The following CCDC125 variants were observed in gnomAD, a reference collection of about 807,000 sequenced individuals.
CCDC125 encodes coiled-coil domain-containing protein 125.
Under a neutral mutation model 57.4 loss-of-function variants are expected in CCDC125, and 43 were observed. That is an observed-to-expected ratio of 0.75 (90% CI 0.59 to 0.97). The LOEUF is 0.97. Among genes scored for constraint, CCDC125 ranks in the 50% least tolerant of loss-of-function variants. The pLI is 0.00. For synonymous variants in CCDC125, 187 were observed against 195.2 expected (o/e 0.96, Z 0.35); for missense variants, 563 against 595.7 (o/e 0.95, Z 0.57).
intron 1 of CCDC125, among the ~76,000 whole-genome samples, chr5:69,331,578 AGTGT>A: frequency 6.6e-6 from 1 of 152,176 alleles, no homozygotes; most frequent in East Asian, 1.9e-4. Flanking sequence ...ATCCAACTGA[AGTGT>A]CACCCTGTTT....
chr5:69,297,377 GAGAC>G lies in CCDC125; in HGVS notation c.817-2481_817-2478del, dbSNP rs770745050. Among the ~76,000 whole-genome samples, 399 of 145,876 alleles carry G rather than the reference GAGAC, an allele frequency of 2.7e-3. 3 individuals are homozygous for G. Among genetic ancestry groups the G allele is most frequent in the Middle Eastern group, 3.4e-3 (1 of 294 alleles). On this transcript the variant is annotated intron_variant, in intron 8 of 11. Coordinates refer to ENST00000396496, the MANE Select transcript of CCDC125 (RefSeq NM_176816.5). Reference sequence around the variant, plus strand: ...TATTTATTTATTTATTTATTTTTCTGAGACAGAGTTTTGCTCTCGTTGCCCAGGC... The same window carrying G: ...TATTTATTTATTTATTTATTTTTCTGAGAGTTTTGCTCTCGTTGCCCAGGC...
intron 1 of CCDC125, 144 bp from the exon 2 acceptor site, chr5:69,320,724 C>T (rs1759894721): frequency 5.0e-6 from 3 of 600,114 alleles, no homozygotes; most frequent in Non-Finnish European, 8.8e-6. Context: ...TCACAATAGC[C>T]AAGATATGGA....
At chr5:69,278,062 A>C (rs572247865), downstream of CCDC125, among the ~76,000 whole-genome samples, 2 of 152,172 alleles carry the variant, frequency 1.3e-5, no homozygotes, top group Admixed American at 6.5e-5. Context: ...TTATATTTTT[A>C]GTAGAGACAG....
downstream of CCDC125, chr5:69,276,405 G>A: frequency 1.4e-6 from 1 of 698,530 alleles, no homozygotes; most frequent in Non-Finnish European, 2.5e-6. Flanking sequence ...GCAAATACTT[G>A]ACATTAATTT....
chr5:69,294,748 C>A, intron 9 of CCDC125, 45 bp downstream of exon 9: 1 of 1,376,194 alleles, frequency 7.3e-7, no homozygotes, highest in African/African-American at 1.4e-5. Context: ...CTACTATTAA[C>A]AGAGAAACAA....
At chr5:69,295,715 C>A (rs1755197425) in intron 8 of CCDC125, among the ~76,000 whole-genome samples, 2 of 152,136 alleles carry the variant, frequency 1.3e-5, no homozygotes, top group African/African-American at 4.8e-5. Flanking sequence ...GTTAAATATA[C>A]CTTCCCCAAA....
chr5:69,309,747 A>C (rs1757864742), intron 4 of CCDC125: 1 of 152,566 alleles, frequency 6.6e-6, no homozygotes, highest in South Asian at 2.1e-4. Flanking sequence ...CATGGCTTAC[A>C]CTGTGCACCT....
rs111521871 is a variant in CCDC125 at position 69,292,377 on chromosome 5, C to T, written c.925-15G>A. Reference sequence around the variant, plus strand: ...AAAATTTCCAACTGATTTTGAAAGACAGTTTGGGAGGTGTCAGAGGCAAAA... The same window carrying T: ...AAAATTTCCAACTGATTTTGAAAGATAGTTTGGGAGGTGTCAGAGGCAAAA... On this transcript the variant is annotated splice_polypyrimidine_tract_variant and intron_variant, in intron 9 of 11. Coordinates refer to ENST00000396496, the MANE Select transcript of CCDC125 (RefSeq NM_176816.5). 1 of 1,608,790 alleles carries T rather than the reference C, an allele frequency of 6.2e-7. No individual in the cohort carries two copies. Among genetic ancestry groups the T allele is most frequent in the African/African-American group, 1.3e-5 (1 of 74,642 alleles).
In CCDC125 at chr5:69,300,010, A is replaced by G. The variant is rs1420628417; in HGVS notation, c.816+2T>C. On this transcript the variant is annotated splice_donor_variant, in intron 8 of 11. Coordinates refer to ENST00000396496, the MANE Select transcript of CCDC125 (RefSeq NM_176816.5). LOFTEE classifies it high-confidence loss of function. ...GTTCAGCTTTCCTGCATGCTTACCT[A>G]CCTCAAGACCTGAAGCCTCTGCAAA... 1.9e-6 allele frequency: 3 copies of G among 1,607,922 alleles called. No individual in the cohort carries two copies. Among genetic ancestry groups the G allele is most frequent in the African/African-American group, 2.7e-5 (2 of 74,794 alleles).
Position 69,300,107 on chromosome 5 carries a change from C to G in CCDC125, c.721G>C (p.Glu241Gln). ...TTGATATCAAGCATGGCGAGGGCCTCCAAATACCGTTGATTCAAAACTAGG... is the reference window on the plus strand; with the variant it reads ...TTGATATCAAGCATGGCGAGGGCCTGCAAATACCGTTGATTCAAAACTAGG... The part of the protein sequence containing the change: ...DNAVLNQRYL[E>Q]ALAMLDIKQQ... The change falls in exon 8 of 12, where the codon GAG becomes CAG. Residue 241 changes from glutamate to glutamine, a missense_variant. Transcript: ENST00000396496. 6.2e-7 allele frequency: 1 copy of G among 1,614,004 alleles called. No individual in the cohort carries two copies. The highest frequency in any genetic ancestry group is 8.5e-7 in the Non-Finnish European group (1 of 1,179,878).
At chr5:69,276,741 T>C (rs1424441263), downstream of CCDC125, 1 of 1,498,204 alleles carries the variant, frequency 6.7e-7, no homozygotes, top group East Asian at 2.3e-5. Flanking sequence ...AAACTCCAAA[T>C]AGCTCGTGTA....
intron 2 of CCDC125, among the ~76,000 whole-genome samples, chr5:69,315,760 C>CAAAAA (rs749999748): frequency 2.3e-5 from 2 of 88,124 alleles, no homozygotes; most frequent in Non-Finnish European, 4.3e-5. Flanking sequence ...AACTCCGTCT[C>CAAAAA]AAAAAAAAAA....
chr5:69,320,204 A>C (rs1280772441), intron 2 of CCDC125, 33 bp downstream of exon 2: 1 of 1,556,232 alleles, frequency 6.4e-7, no homozygotes, highest in Non-Finnish European at 8.8e-7. Context: ...TATGCACAGG[A>C]GAAAGAAAGG....
At chr5:69,317,861 T>C (rs1759365164) in intron 2 of CCDC125, among the ~76,000 whole-genome samples, 1 of 151,956 alleles carries the variant, frequency 6.6e-6, no homozygotes, top group East Asian at 1.9e-4. Flanking sequence ...TTCCCAAAGA[T>C]CCACTGCCTT....
chr5:69,276,712 G>T (rs774840207), downstream of CCDC125: 4 of 1,599,912 alleles, frequency 2.5e-6, no homozygotes, highest in Admixed American at 1.8e-5. Flanking sequence ...ACTTTTAAAA[G>T]AAATTAAATG....
At chr5:69,327,556 C>T (rs1451021192) in intron 1 of CCDC125, among the ~76,000 whole-genome samples, 5 of 152,214 alleles carry the variant, frequency 3.3e-5, no homozygotes, top group African/African-American at 1.2e-4. Flanking sequence ...AGGGAAGCAG[C>T]AGGATGTGTT....
chr5:69,313,511 T>G (rs1296281950), intron 3 of CCDC125: 2 of 874,170 alleles, frequency 2.3e-6, no homozygotes, highest in East Asian at 4.9e-5. Context: ...ATGGCGTCCT[T>G]GGAGCTGGCA....
the CCDC125 span, among the ~76,000 whole-genome samples, chr5:69,274,015 T>C: frequency 5.5e-4 from 84 of 152,214 alleles, 1 homozygote; most frequent in Admixed American, 5.4e-3. Flanking sequence ...TTTATGTCCA[T>C]GTGTACACAT....
chr5:69,278,462 C>T (rs1752311825), downstream of CCDC125, among the ~76,000 whole-genome samples: 1 of 152,004 alleles, frequency 6.6e-6, no homozygotes. Context: ...ATCCACCTGC[C>T]TTGACCTCCC....
Sources: allele counts gnomAD v4.1 joint callset (sites outside exome capture counted in the v4.1 genomes callset), GRCh38; gene constraint gnomAD v4.1.1; transcripts MANE v1.5; gene names NCBI Gene and HGNC (gene_info 2026-07-23, HGNC 2026-07-21).